PLEKHA7: variants seen among roughly 807,000 people sequenced by gnomAD.
The protein encoded by PLEKHA7 is pleckstrin homology domain-containing family A member 7.
PLEKHA7 carries 104 observed loss-of-function variants against 170.0 expected under a neutral mutation model. That is an observed-to-expected ratio of 0.61 (90% CI 0.52 to 0.72). The LOEUF is 0.72. Ranked by LOEUF, PLEKHA7 falls within the 30% of genes least tolerant of loss-of-function variation. PLEKHA7 has a pLI of 0.00. For synonymous variants in PLEKHA7, 648 were observed against 660.8 expected (o/e 0.98, Z 0.30); for missense variants, 1,615 against 1,671.7 (o/e 0.97, Z 0.59).
intron 3 of PLEKHA7, among the ~76,000 whole-genome samples, chr11:16,925,850 C>T (rs1482798393): frequency 1.3e-5 from 2 of 152,372 alleles, no homozygotes; most frequent in East Asian, 3.9e-4. Context: ...ACGGCGCGTC[C>T]GAGCCCAGCA....
Position 16,826,519 on chromosome 11 carries a change from C to A in PLEKHA7, c.944G>T (p.Arg315Leu). 1.2e-6 allele frequency: 2 copies of A among 1,614,220 alleles called. No individual in the cohort carries two copies. The highest frequency in any genetic ancestry group is 1.7e-6 in the Non-Finnish European group (2 of 1,180,044). Residue 315 changes from arginine (R) to leucine (L), a missense_variant, in exon 10 of 27, where the codon CGG becomes CTG. Physicochemically the swap from Arg to Leu is moderately radical, Grantham distance 102 (BLOSUM62 -2). Transcript: ENST00000531066. Reference sequence around the variant, plus strand: ...ATCTCTCGTATGTCCGGGTCCCACCCGGCCACATTCGTGACAGGACTCTGT... The same window carrying A: ...ATCTCTCGTATGTCCGGGTCCCACCAGGCCACATTCGTGACAGGACTCTGT... ...NHTESCHECG[R>L]VGPGHTRDCP...
At chr11:16,888,319 G>A (rs1023485767) in intron 3 of PLEKHA7, among the ~76,000 whole-genome samples, 13 of 152,252 alleles carry the variant, frequency 8.5e-5, no homozygotes, top group African/African-American at 2.9e-4. Context: ...CCCTCTGCCC[G>A]GCCGGCACCC....
chr11:16,799,347 A>T (rs1848437411), intron 17 of PLEKHA7, among the ~76,000 whole-genome samples: 1 of 152,228 alleles, frequency 6.6e-6, no homozygotes, highest in African/African-American at 2.4e-5. Flanking sequence ...TGCATAGAAA[A>T]TGGTCTAGAA....
At chr11:16,845,489 C>T (rs1852321774) in intron 8 of PLEKHA7, among the ~76,000 whole-genome samples, 1 of 152,164 alleles carries the variant, frequency 6.6e-6, no homozygotes, top group African/African-American at 2.4e-5. Context: ...ACCCCAGCCT[C>T]CTGAGTAGCC....
chr11:16,793,798 GC>G (rs2134261024), intron 19 of PLEKHA7, among the ~76,000 whole-genome samples: 1 of 152,318 alleles, frequency 6.6e-6, no homozygotes, highest in African/African-American at 2.4e-5. Context: ...CAAGGTGCTG[GC>G]CCAGTCAGCC....
intron 9 of PLEKHA7, among the ~76,000 whole-genome samples, chr11:16,826,895 A>G (rs922400882): frequency 3.3e-5 from 5 of 152,122 alleles, no homozygotes; most frequent in Non-Finnish European, 7.4e-5. Flanking sequence ...TCCCAAATAA[A>G]CTATGAGTTA....
In PLEKHA7 at chr11:16,859,462, C is replaced by A. The variant is rs188929695; in HGVS notation, c.306-3548G>T. On this transcript the variant is annotated intron_variant, in intron 4 of 26. Transcript: ENST00000531066. ...AACAATTTTCTCACTTGGCTGAAAACCTGGCTCTGATGGAAACTTCTAGTG... is the reference window on the plus strand; with the variant it reads ...AACAATTTTCTCACTTGGCTGAAAAACTGGCTCTGATGGAAACTTCTAGTG... 2.7e-3 allele frequency among the ~76,000 whole-genome samples: 418 copies of A among 152,296 alleles called. 1 individual carries two copies. Among genetic ancestry groups the A allele is most frequent in the African/African-American group, 9.6e-3 (398 of 41,552 alleles).
intron 3 of PLEKHA7, among the ~76,000 whole-genome samples, chr11:16,918,815 A>C (rs1590614283): frequency 6.6e-6 from 1 of 152,240 alleles, no homozygotes. Context: ...TATCCTAAGC[A>C]TAACAGCTGC....
chr11:16,984,813 C>T (rs1047374274), intron 3 of PLEKHA7, among the ~76,000 whole-genome samples: 4 of 152,346 alleles, frequency 2.6e-5, no homozygotes, highest in Non-Finnish European at 4.4e-5. Context: ...CAAGTAGGCA[C>T]TCAATAAATA....
At chr11:16,823,107 G>A (rs566631980) in intron 10 of PLEKHA7, among the ~76,000 whole-genome samples, 11 of 152,050 alleles carry the variant, frequency 7.2e-5, no homozygotes, top group East Asian at 1.9e-4. Context: ...TGATTATCCC[G>A]CCTTAGCCTC....
At chr11:16,906,471 C>T (rs1158268576) in intron 3 of PLEKHA7, among the ~76,000 whole-genome samples, 1 of 141,742 alleles carries the variant, frequency 7.1e-6, no homozygotes, top group East Asian at 2.0e-4. Context: ...CAGGCACGCG[C>T]CGCCATGCCT....
At chr11:16,803,706 G>C (rs1023257326) in intron 13 of PLEKHA7, among the ~76,000 whole-genome samples, 6 of 152,138 alleles carry the variant, frequency 3.9e-5, no homozygotes, top group African/African-American at 1.2e-4. Context: ...CCTGCCCAGG[G>C]TGGTGAGATG....
intron 3 of PLEKHA7, among the ~76,000 whole-genome samples, chr11:17,008,139 G>A (rs1454868926): frequency 2.0e-5 from 3 of 151,988 alleles, no homozygotes; most frequent in African/African-American, 7.3e-5. Context: ...CCTCACTTGG[G>A]GACAGGCACC....
chr11:16,794,103 C>T (rs1468082328), intron 19 of PLEKHA7, among the ~76,000 whole-genome samples: 2 of 152,100 alleles, frequency 1.3e-5, no homozygotes, highest in East Asian at 1.9e-4. Context: ...TCACTGCCCA[C>T]AGGCTGTGTA....
chr11:16,926,008 G>C (rs1208245077), intron 3 of PLEKHA7, among the ~76,000 whole-genome samples: 2 of 152,372 alleles, frequency 1.3e-5, no homozygotes, highest in South Asian at 2.1e-4. Context: ...GTCATCCGTT[G>C]CCGCAAGTGC....
chr11:16,954,528 T>C lies in PLEKHA7; in HGVS notation c.221+59461A>G, dbSNP rs1308893231. ...CAGCCCGGGCAACAGAGCAAGACTCTGTCTTTAAAAAAAAAAAAACAAAAA... is the reference window on the plus strand; with the variant it reads ...CAGCCCGGGCAACAGAGCAAGACTCCGTCTTTAAAAAAAAAAAAACAAAAA... On this transcript the variant is annotated intron_variant, in intron 3 of 26. Transcript: ENST00000531066. Among the ~76,000 whole-genome samples, 6 of 151,306 alleles carry C rather than the reference T, an allele frequency of 4.0e-5. No individual in the cohort carries two copies. The East Asian group carries it at 1.2e-3, about 29-fold the overall frequency.
chr11:16,876,172 A>C (rs1314922716), intron 3 of PLEKHA7, among the ~76,000 whole-genome samples: 1 of 152,200 alleles, frequency 6.6e-6, no homozygotes, highest in African/African-American at 2.4e-5. Context: ...GAAGAGTCTC[A>C]TGTCCTATCA....
chr11:16,786,608 C>T, intron 23 of PLEKHA7: 1 of 985,404 alleles, frequency 1.0e-6, no homozygotes, highest in African/African-American at 1.7e-5. Context: ...CAAACATACA[C>T]CCTTGGGGCA....
chr11:16,865,073 C>G (rs964413007), intron 4 of PLEKHA7, among the ~76,000 whole-genome samples: 1 of 152,188 alleles, frequency 6.6e-6, no homozygotes, highest in Admixed American at 6.5e-5. Context: ...TAATGGTCCC[C>G]CTCCTCAGGG....
Sources: allele counts gnomAD v4.1 joint callset (sites outside exome capture counted in the v4.1 genomes callset), GRCh38; gene constraint gnomAD v4.1.1; transcripts MANE v1.5; gene names NCBI Gene and HGNC (gene_info 2026-07-23, HGNC 2026-07-21).